Variants in XYLT1 observed in about 807,000 individuals in gnomAD.
XYLT1 encodes beta-D-xylosyltransferase 1.
A neutral mutation model predicts 91.3 loss-of-function variants in XYLT1; 36 were observed. The observed-to-expected ratio is 0.39, with a 90% confidence interval of 0.30 to 0.52. The LOEUF is 0.52. Ranked by LOEUF, XYLT1 falls within the 20% of genes least tolerant of loss-of-function variation. The pLI is 0.68. For synonymous variants in XYLT1, 588 were observed against 532.0 expected (o/e 1.11, Z -1.45); for missense variants, 1,242 against 1,284.5 (o/e 0.97, Z 0.51).
At chr16:17,354,407 A>G (rs1356910904) in intron 2 of XYLT1, among the ~76,000 whole-genome samples, 1 of 152,230 alleles carries the variant, frequency 6.6e-6, no homozygotes, top group African/African-American at 2.4e-5. Flanking sequence ...ACAGCTGCAC[A>G]GGGACAGATT....
chr16:17,192,158 T>C (rs973129704), intron 5 of XYLT1, among the ~76,000 whole-genome samples: 9 of 150,410 alleles, frequency 6.0e-5, no homozygotes, highest in Non-Finnish European at 1.0e-4. Flanking sequence ...GAGTGCAATG[T>C]CATGATCTCA....
rs71137986 is a variant in XYLT1 at position 17,379,728 on chromosome 16, ATCTCTCTC to A, written c.364-21686_364-21679del. Among the ~76,000 whole-genome samples, 82 of 125,880 alleles carry A rather than the reference ATCTCTCTC, an allele frequency of 6.5e-4. 1 individual carries two copies. Among genetic ancestry groups the A allele is most frequent in the East Asian group, 3.8e-3 (17 of 4,494 alleles). The allele number at this position is 125,880 out of a possible 152,430, so 82.6% of individuals were successfully genotyped here. On this transcript the variant is annotated intron_variant, in intron 1 of 11. Coordinates refer to ENST00000261381, the MANE Select transcript of XYLT1 (RefSeq NM_022166.4). ...TCTCCACATCTATGAAATGAAGGAT[ATCTCTCTC>A]TCTCTCTCTCTCTCTCTCTCTCTCT... is the stretch of plus-strand genomic sequence containing the variant.
intron 3 of XYLT1, 89 bp from the exon 4 acceptor site, chr16:17,200,743 G>T: frequency 6.8e-7 from 1 of 1,471,628 alleles, no homozygotes; most frequent in Non-Finnish European, 9.4e-7. Flanking sequence ...CTTCTTTTGG[G>T]GACTATTTTA....
At chr16:17,339,855 C>T (rs563813538) in intron 2 of XYLT1, among the ~76,000 whole-genome samples, 10 of 151,758 alleles carry the variant, frequency 6.6e-5, no homozygotes, top group Non-Finnish European at 1.2e-4. Context: ...TCCCTCCTTC[C>T]GTCTTTTCTC....
rs1553089 is a variant in XYLT1, at chr16:17,118,085, G to C, written c.2224-106C>G. 15,169 of 1,205,640 alleles carry C rather than the reference G, an allele frequency of 0.013. 1,358 individuals carry two copies. In the African/African-American group the frequency reaches 0.2, roughly 16 times the overall value. 74.7% of individuals were successfully genotyped at this position (1,205,640 alleles called of 1,614,324 possible). On this transcript the variant is annotated intron_variant, in intron 10 of 11. Coordinates refer to ENST00000261381, the MANE Select transcript of XYLT1 (RefSeq NM_022166.4). ...TTAGCTTTCATATACCCATTTTACAGATGAAGAAACTGAGGCTCCAACTAA... is the reference window on the plus strand; with the variant it reads ...TTAGCTTTCATATACCCATTTTACACATGAAGAAACTGAGGCTCCAACTAA...
At chr16:17,454,909 C>T (rs1244183040) in intron 1 of XYLT1, among the ~76,000 whole-genome samples, 2 of 70,624 alleles carry the variant, frequency 2.8e-5, no homozygotes, top group Non-Finnish European at 5.2e-5. Context: ...TTCCTCCCCC[C>T]CCCGCCCCCC....
chr16:17,415,468 T>C (rs557108522), intron 1 of XYLT1, among the ~76,000 whole-genome samples: 30 of 152,202 alleles, frequency 2.0e-4, no homozygotes, highest in African/African-American at 5.8e-4. Flanking sequence ...GGCGGGCGGA[T>C]TGCCTAAGCT....
chr16:17,470,715 GC>G lies in XYLT1; in HGVS notation c.81del (p.Gln28ArgfsTer166). 8.6e-7 allele frequency: 1 copy of G among 1,165,764 alleles called. No individual in the cohort carries two copies. Among genetic ancestry groups the G allele is most frequent in the Non-Finnish European group, 1.1e-6 (1 of 926,762 alleles). 72.2% of individuals were successfully genotyped at this position (1,165,764 alleles called of 1,614,324 possible). On this transcript the variant is annotated frameshift_variant, in exon 1 of 12. Coordinates refer to ENST00000261381, the MANE Select transcript of XYLT1 (RefSeq NM_022166.4). LOFTEE classifies it high-confidence loss of function. ...ALLAALTVLL[L>X]QTLVVWNFSS... ...CTGAAATTCCACACGACCAGCGTCT[GC>G]AGCAGCAGCACCGTGAGCGCCGCGA...
At position 17,395,949 on chromosome 16, in the gene XYLT1, C is replaced by T. The variant is rs115997054; in HGVS notation, c.364-37899G>A. On this transcript the variant is annotated intron_variant, in intron 1 of 11. Transcript: ENST00000261381. ...GGCTGTGATGTTTCACAAGGCGCCA[C>T]GGCAGAGAGATGAAAGTTGTTATGG... Among the ~76,000 whole-genome samples, 320 of 152,268 alleles carry T rather than the reference C, an allele frequency of 2.1e-3. 2 individuals are homozygous for T. The highest frequency in any genetic ancestry group is 7.2e-3 in the African/African-American group (300 of 41,546).
At chr16:17,200,806 C>T in intron 3 of XYLT1, 152 bp from the exon 4 acceptor site, 3 of 836,088 alleles carry the variant, frequency 3.6e-6, no homozygotes, top group Non-Finnish European at 5.6e-6. Flanking sequence ...CCACAAAGCA[C>T]ATCTTAGATT....
At chr16:17,334,215 C>A (rs72779693) in intron 2 of XYLT1, among the ~76,000 whole-genome samples, 9,599 of 152,280 alleles carry the variant, frequency 0.063, 424 homozygotes, top group Middle Eastern at 0.099. Flanking sequence ...ACTTACTCAG[C>A]AGCATAAACA....
intron 1 of XYLT1, among the ~76,000 whole-genome samples, chr16:17,385,598 A>G (rs1010587210): frequency 6.6e-6 from 1 of 151,840 alleles, no homozygotes; most frequent in Non-Finnish European, 1.5e-5. Context: ...GGTTTTTGCC[A>G]TATTTCTGTA....
intron 2 of XYLT1, among the ~76,000 whole-genome samples, chr16:17,271,824 C>A (rs1439924008): frequency 6.6e-6 from 1 of 152,176 alleles, no homozygotes; most frequent in Non-Finnish European, 1.5e-5. Context: ...AAATCCTGTT[C>A]CCATTCAGAA....
intron 2 of XYLT1, among the ~76,000 whole-genome samples, chr16:17,307,188 C>G (rs2034482920): frequency 6.6e-6 from 1 of 152,188 alleles, no homozygotes. Context: ...AAGCAATTCT[C>G]CTGCCTCAGC....
At chr16:17,357,376 G>A (rs2035316928) in intron 2 of XYLT1, among the ~76,000 whole-genome samples, 1 of 152,012 alleles carries the variant, frequency 6.6e-6, no homozygotes, top group Non-Finnish European at 1.5e-5. Flanking sequence ...AAGACACAGA[G>A]GTGGAATTCC....
At chr16:17,470,320 G>T in intron 1 of XYLT1, 114 bp downstream of exon 1, 1 of 1,163,310 alleles carries the variant, frequency 8.6e-7, no homozygotes, top group Non-Finnish European at 1.1e-6. Context: ...ATGTGGAGTC[G>T]GTAGGCTTGC....
intron 1 of XYLT1, among the ~76,000 whole-genome samples, chr16:17,374,677 G>C (rs1281496614): frequency 1.3e-5 from 2 of 150,180 alleles, no homozygotes. Context: ...CTTGTAACAT[G>C]AAAGTCAAAA....
intron 2 of XYLT1, among the ~76,000 whole-genome samples, chr16:17,356,308 C>CA (rs1259597259): frequency 6.6e-6 from 1 of 152,074 alleles, no homozygotes; most frequent in African/African-American, 2.4e-5. Flanking sequence ...CAAAGGTGGT[C>CA]AAGGTGATAA....
chr16:17,112,230 A>T (rs1966843146), intron 11 of XYLT1, among the ~76,000 whole-genome samples: 1 of 152,156 alleles, frequency 6.6e-6, no homozygotes, highest in Non-Finnish European at 1.5e-5. Context: ...ACCTCATCGG[A>T]TTTCTTGCGA....
Sources: allele counts gnomAD v4.1 joint callset (sites outside exome capture counted in the v4.1 genomes callset), GRCh38; gene constraint gnomAD v4.1.1; transcripts MANE v1.5; gene names NCBI Gene and HGNC (gene_info 2026-07-23, HGNC 2026-07-21).